CERK: variants seen among roughly 807,000 people sequenced by gnomAD.
The protein encoded by CERK is acylsphingosine kinase.
CERK carries 39 observed loss-of-function variants against 63.4 expected under a neutral mutation model. The observed-to-expected ratio is 0.61, with a 90% CI of 0.48 to 0.80. The LOEUF is 0.80. Ranked by LOEUF, CERK falls within the 30% of genes least tolerant of loss-of-function variation. The pLI is 0.00. For missense variants in CERK, 670 were observed against 714.1 expected (o/e 0.94, Z 0.70); for synonymous variants, 302 against 280.0 (o/e 1.08, Z -0.78).
At position 46,685,409 on chromosome 22, in the gene CERK, C is replaced by A. The variant is rs531956794; in HGVS notation, c.*1725G>T. 4 of 152,292 alleles carry A rather than the reference C, an allele frequency of 2.6e-5. No homozygotes were observed. The highest frequency in any genetic ancestry group is 9.6e-5 in the African/African-American group (4 of 41,464). 9.4% of individuals were successfully genotyped at this position (152,292 alleles called of 1,614,324 possible). On this transcript the variant is annotated 3_prime_UTR_variant, in exon 13 of 13. Transcript: ENST00000216264. ...CAGGGACAATAAAGGCTTAGAAGAACCTTTTGGGGAAACTTTGTGAGGAGC... is the reference window on the plus strand; with the variant it reads ...CAGGGACAATAAAGGCTTAGAAGAAACTTTTGGGGAAACTTTGTGAGGAGC...
chr22:46,684,812 A>G lies in CERK; in HGVS notation c.*2322T>C, dbSNP rs2082690837. 6.6e-6 allele frequency: 1 copy of G among 152,158 alleles called. No individual in the cohort carries two copies. The highest frequency in any genetic ancestry group is 1.5e-5 in the Non-Finnish European group (1 of 68,030). The allele number at this position is 152,158 out of a possible 1,614,324, so 9.4% of individuals were successfully genotyped here. ...GCCTATCTAGCGGGAATGTCTGGGC[A>G]GTCACCCCCATCCTGCGCGCAGATA... On this transcript the variant is annotated 3_prime_UTR_variant, in exon 13 of 13. Transcript: ENST00000216264.
At chr22:46,709,175 A>G (rs948735160) in intron 5 of CERK, among the ~76,000 whole-genome samples, 2 of 152,156 alleles carry the variant, frequency 1.3e-5, no homozygotes, top group African/African-American at 4.8e-5. Flanking sequence ...CAGACAGATC[A>G]CTCAGACAGA....
chr22:46,691,452 A>C, intron 11 of CERK, 120 bp downstream of exon 11: 2 of 799,232 alleles, frequency 2.5e-6, no homozygotes, highest in South Asian at 3.9e-5. Flanking sequence ...ATTAAAAAAA[A>C]AAAAGTTTGC....
intron 7 of CERK, among the ~76,000 whole-genome samples, chr22:46,700,881 C>T (rs1035364767): frequency 6.6e-6 from 1 of 151,542 alleles, no homozygotes; most frequent in Non-Finnish European, 1.5e-5. Context: ...CGTGGTGGCG[C>T]GAGCCTGTAA....
intron 8 of CERK, among the ~76,000 whole-genome samples, chr22:46,696,351 T>A (rs2082756223): frequency 6.6e-6 from 1 of 152,088 alleles, no homozygotes; most frequent in Non-Finnish European, 1.5e-5. Context: ...CTCTGGCCTC[T>A]CTCCCTGCTC....
At chr22:46,697,396 G>A (rs2082761777) in intron 8 of CERK, among the ~76,000 whole-genome samples, 1 of 152,086 alleles carries the variant, frequency 6.6e-6, no homozygotes, top group Admixed American at 6.6e-5. Flanking sequence ...CACCTTCTGT[G>A]CTCAAGGGCT....
At chr22:46,688,070 G>A (rs970051629) in intron 12 of CERK, among the ~76,000 whole-genome samples, 1 of 152,062 alleles carries the variant, frequency 6.6e-6, no homozygotes, top group African/African-American at 2.4e-5. Context: ...GGTGGCGGGC[G>A]CCTGCTACTT....
At chr22:46,715,165 G>C (rs916004532) in intron 3 of CERK, among the ~76,000 whole-genome samples, 1 of 152,114 alleles carries the variant, frequency 6.6e-6, no homozygotes, top group Non-Finnish European at 1.5e-5. Flanking sequence ...CATTCTTAAT[G>C]GTGAAACACT....
At chr22:46,693,742 G>A in intron 9 of CERK, 1 of 449,504 alleles carries the variant, frequency 2.2e-6, no homozygotes, top group South Asian at 2.2e-5. Context: ...CACAGCATGA[G>A]GACGCTGAGG....
chr22:46,716,393 G>C (rs988454880), intron 3 of CERK, among the ~76,000 whole-genome samples: 38 of 150,934 alleles, frequency 2.5e-4, no homozygotes, highest in Non-Finnish European at 4.4e-4. Context: ...GTTTCACCAT[G>C]TTGGCCAGGC....
At chr22:46,715,005 T>C (rs1452754612) in intron 3 of CERK, among the ~76,000 whole-genome samples, 1 of 151,244 alleles carries the variant, frequency 6.6e-6, no homozygotes, top group Non-Finnish European at 1.5e-5. Flanking sequence ...AAGAAAGTCA[T>C]ACAGTCATCT....
rs1198830220 is a variant in CERK, at chr22:46,699,440, G to T, written c.816C>A (p.Ser272=). The change falls in exon 8 of 13, where the codon TCC becomes TCA. Residue 272 remains serine (S), a synonymous_variant. Transcript: ENST00000216264. ...VVGDSLAMDV[S]SVHHNSTLLR... is the part of the protein sequence containing the mutation. Reference sequence around the variant, plus strand: ...GGAGTGTGCTGTTGTGGTGGACTGAGGACACATCCATGGCCAGCGAGTCCC... The same window carrying T: ...GGAGTGTGCTGTTGTGGTGGACTGATGACACATCCATGGCCAGCGAGTCCC... 1 of 1,614,070 alleles carries T rather than the reference G, an allele frequency of 6.2e-7. No individual in the cohort carries two copies. The highest frequency in any genetic ancestry group is 1.3e-5 in the African/African-American group (1 of 74,926).
intron 9 of CERK, among the ~76,000 whole-genome samples, chr22:46,694,665 G>A (rs540932881): frequency 2.0e-5 from 3 of 152,286 alleles, no homozygotes; most frequent in African/African-American, 2.4e-5. Context: ...GGTTGAAGGC[G>A]TGGCTGGCCT....
At chr22:46,703,189 T>A (rs925908104) in intron 6 of CERK, among the ~76,000 whole-genome samples, 6 of 152,166 alleles carry the variant, frequency 3.9e-5, no homozygotes, top group Admixed American at 1.3e-4. Context: ...CTAATACATA[T>A]GTGGAAGAGA....
At chr22:46,737,931 C>A in intron 1 of CERK, 76 bp downstream of exon 1, 1 of 1,008,212 alleles carries the variant, frequency 9.9e-7, no homozygotes, top group South Asian at 4.8e-5. Flanking sequence ...TGCACCCGGT[C>A]CCCCCAGCCG....
rs2082691901 is a variant in CERK, at chr22:46,684,956, A to G, written c.*2178T>C. On this transcript the variant is annotated 3_prime_UTR_variant, in exon 13 of 13. Coordinates refer to ENST00000216264, the MANE Select transcript of CERK (RefSeq NM_022766.6). ...CACCAGAGCCACTCAGGAACCAGCC[A>G]TGCGGAATGGCTGGGTTTCTTATTG... 6.6e-6 allele frequency: 1 copy of G among 152,364 alleles called. No individual in the cohort carries two copies. Among genetic ancestry groups the G allele is most frequent in the African/African-American group, 2.4e-5 (1 of 41,578 alleles). The allele number at this position is 152,364 out of a possible 1,614,324, so 9.4% of individuals were successfully genotyped here.
At chr22:46,727,980 T>C (rs1023920696) in intron 1 of CERK, among the ~76,000 whole-genome samples, 12 of 152,326 alleles carry the variant, frequency 7.9e-5, no homozygotes, top group Admixed American at 7.2e-4. Context: ...ACAGCCCACG[T>C]GGCAGCCAAC....
chr22:46,693,368 C>T (rs1220383882), intron 10 of CERK, 59 bp downstream of exon 10: 9 of 1,443,372 alleles, frequency 6.2e-6, no homozygotes, highest in Non-Finnish European at 7.8e-6. Flanking sequence ...TGAGAGAGGA[C>T]AGAAACCCGC....
intron 3 of CERK, among the ~76,000 whole-genome samples, chr22:46,716,756 T>C (rs1010561599): frequency 1.3e-5 from 2 of 151,390 alleles, no homozygotes; most frequent in African/African-American, 4.9e-5. Flanking sequence ...CTGGCCAATA[T>C]AGCAAAACCC....
Sources: allele counts gnomAD v4.1 joint callset (sites outside exome capture counted in the v4.1 genomes callset), GRCh38; gene constraint gnomAD v4.1.1; transcripts MANE v1.5; gene names NCBI Gene and HGNC (gene_info 2026-07-23, HGNC 2026-07-21).